NAALADL2: variants seen among roughly 807,000 people sequenced by gnomAD.
NAALADL2 encodes inactive N-acetylated-alpha-linked acidic dipeptidase-like protein 2.
Under a neutral mutation model 87.2 loss-of-function variants are expected in NAALADL2, and 76 were observed. The observed-to-expected ratio is 0.87, with a 90% CI of 0.72 to 1.05. The LOEUF (loss-of-function observed/expected upper bound fraction) is 1.05, where lower values mean the gene tolerates loss of function less well. Ranked by LOEUF, NAALADL2 falls within the 50% of genes least tolerant of loss-of-function variation. The pLI, the probability that NAALADL2 is intolerant of heterozygous loss-of-function variation, is 0.00. For synonymous variants in NAALADL2, 354 were observed against 331.0 expected (o/e 1.07, Z -0.75); for missense variants, 1,089 against 945.8 (o/e 1.15, Z -1.99).
chr3:175,327,148 CTTTTTTTTTT>C (rs35198621), intron 5 of NAALADL2, among the ~76,000 whole-genome samples: 1 of 99,514 alleles, frequency 1.0e-5, no homozygotes, highest in Admixed American at 1.2e-4. Context: ...GTCTACATTT[CTTTTTTTTTT>C]TTTTTTTTTT....
At position 175,441,669 on chromosome 3, in the gene NAALADL2, GTTCACA is replaced by G. The variant is rs1211402488; in HGVS notation, c.1091-5559_1091-5554del. 2.4e-4 allele frequency among the ~76,000 whole-genome samples: 19 copies of G among 77,644 alleles called. No individual in the cohort carries two copies. In the Admixed American group the frequency reaches 2.6e-3, roughly 10 times the overall value. 50.9% of individuals were successfully genotyped at this position (77,644 alleles called of 152,430 possible). ...ATTGAGTGAGTAGCAAGGATCTCAT[GTTCACA>G]CACACACACACACACACACACACAC... is the stretch of plus-strand genomic sequence containing the variant. On this transcript the variant is annotated intron_variant, in intron 5 of 13. Coordinates refer to ENST00000454872, the MANE Select transcript of NAALADL2 (RefSeq NM_207015.3).
intron 9 of NAALADL2, among the ~76,000 whole-genome samples, chr3:175,521,353 CAAAAT>C (rs1042064370): frequency 6.6e-6 from 1 of 151,704 alleles, no homozygotes; most frequent in Non-Finnish European, 1.5e-5. Context: ...CTACAGTTCT[CAAAAT>C]AAATAGATTT....
chr3:175,253,275 T>A (rs1749371552), intron 3 of NAALADL2, among the ~76,000 whole-genome samples: 1 of 152,174 alleles, frequency 6.6e-6, no homozygotes, highest in Admixed American at 6.5e-5. Flanking sequence ...CTAAAAATGC[T>A]AGGGTCCTTA....
intron 1 of NAALADL2, among the ~76,000 whole-genome samples, chr3:174,495,779 C>T (rs1718496027): frequency 6.6e-6 from 1 of 151,406 alleles, no homozygotes; most frequent in African/African-American, 2.4e-5. Flanking sequence ...ATAGCTGAGA[C>T]TCAAAAGATT....
chr3:175,355,826 A>T (rs1764298195), intron 5 of NAALADL2, among the ~76,000 whole-genome samples: 3 of 152,214 alleles, frequency 2.0e-5, no homozygotes, highest in African/African-American at 7.2e-5. Context: ...ATTAATTAAC[A>T]GTTTACTTTT....
chr3:175,156,277 G>A (rs1365085292), intron 2 of NAALADL2, among the ~76,000 whole-genome samples: 1 of 145,522 alleles, frequency 6.9e-6, no homozygotes, highest in Non-Finnish European at 1.5e-5. Flanking sequence ...TGCTTTTGAT[G>A]CATGTTAGAT....
intron 11 of NAALADL2, among the ~76,000 whole-genome samples, chr3:175,681,170 C>T (rs534680420): frequency 6.6e-6 from 1 of 152,106 alleles, no homozygotes; most frequent in Non-Finnish European, 1.5e-5. Flanking sequence ...ATTTATTTTT[C>T]ATTCTCTATT....
intron 1 of NAALADL2, among the ~76,000 whole-genome samples, chr3:175,000,978 G>C (rs944460430): frequency 1.3e-5 from 2 of 152,168 alleles, no homozygotes; most frequent in Non-Finnish European, 1.5e-5. Flanking sequence ...AAACACTGCG[G>C]CATGCGCAGA....
chr3:175,659,023 A>T (rs73881340), intron 11 of NAALADL2, among the ~76,000 whole-genome samples: 1 of 152,162 alleles, frequency 6.6e-6, no homozygotes, highest in Non-Finnish European at 1.5e-5. Flanking sequence ...TGGACCACAC[A>T]GTCTTGAATT....
chr3:175,215,387 T>G (rs937916505), intron 2 of NAALADL2, among the ~76,000 whole-genome samples: 2 of 152,178 alleles, frequency 1.3e-5, no homozygotes, highest in African/African-American at 4.8e-5. Context: ...GATAGCATTT[T>G]TCCATACATG....
At chr3:175,341,191 C>T (rs537423390) in intron 5 of NAALADL2, among the ~76,000 whole-genome samples, 1 of 152,254 alleles carries the variant, frequency 6.6e-6, no homozygotes, top group South Asian at 2.1e-4. Context: ...CTGGCAACTA[C>T]TAATCACTGC....
At chr3:174,623,604 T>A (rs1312997817) in intron 2 of NAALADL2, among the ~76,000 whole-genome samples, 1 of 151,586 alleles carries the variant, frequency 6.6e-6, no homozygotes, top group African/African-American at 2.4e-5. Context: ...TCTGTGAGAT[T>A]TTTTTCCAAT....
intron 2 of NAALADL2, among the ~76,000 whole-genome samples, chr3:174,676,323 A>G (rs1364220050): frequency 6.6e-6 from 1 of 152,032 alleles, no homozygotes; most frequent in Non-Finnish European, 1.5e-5. Flanking sequence ...AGAAAATGAT[A>G]ATCCTTGGAA....
chr3:175,748,380 T>C (rs1216346091), intron 12 of NAALADL2, among the ~76,000 whole-genome samples: 1 of 152,228 alleles, frequency 6.6e-6, no homozygotes, highest in African/African-American at 2.4e-5. Context: ...TTTTCTTTAG[T>C]GATACCACAA....
chr3:175,789,979 G>A (rs1752579856), intron 13 of NAALADL2, among the ~76,000 whole-genome samples: 1 of 152,042 alleles, frequency 6.6e-6, no homozygotes, highest in South Asian at 2.1e-4. Flanking sequence ...ACAGAGTCTA[G>A]AGCATCTAGG....
intron 12 of NAALADL2, among the ~76,000 whole-genome samples, chr3:175,754,710 A>G (rs912946982): frequency 3.9e-5 from 6 of 152,194 alleles, no homozygotes; most frequent in African/African-American, 1.2e-4. Flanking sequence ...TTTGAGTCAG[A>G]AAGATCAAAC....
intron 11 of NAALADL2, among the ~76,000 whole-genome samples, chr3:175,664,590 A>ATAGTC (rs143432195): frequency 0.066 from 10,109 of 152,170 alleles, 1,098 homozygotes; most frequent in African/African-American, 0.23. Flanking sequence ...AAATTTTTAT[A>ATAGTC]TAAAGAACTT....
chr3:175,713,371 A>G (rs528230452), intron 11 of NAALADL2, among the ~76,000 whole-genome samples: 12 of 152,316 alleles, frequency 7.9e-5, no homozygotes, highest in Admixed American at 1.3e-4. Context: ...GAAAAAGAAT[A>G]AAATATTCAT....
At chr3:175,790,112 A>C (rs1414109207) in intron 13 of NAALADL2, among the ~76,000 whole-genome samples, 1 of 152,182 alleles carries the variant, frequency 6.6e-6, no homozygotes, top group Non-Finnish European at 1.5e-5. Context: ...ACACCAAGTA[A>C]TTATGACCTT....
Sources: allele counts gnomAD v4.1 joint callset (sites outside exome capture counted in the v4.1 genomes callset), GRCh38; gene constraint gnomAD v4.1.1; transcripts MANE v1.5; gene names NCBI Gene and HGNC (gene_info 2026-07-23, HGNC 2026-07-21).